ATP7A: variants seen among roughly 807,000 people sequenced by gnomAD.
ATP7A encodes the protein copper-transporting ATPase 1.
ATP7A carries 7 observed loss-of-function variants against 83.5 expected under a neutral mutation model. The ratio of observed to expected loss-of-function variants is 0.08; its 90% CI spans 0.05 to 0.16. ATP7A has a LOEUF of 0.16. Among genes scored for constraint, ATP7A ranks in the 10% least tolerant of loss-of-function variants. The probability of loss-of-function intolerance (pLI) is 1.00; values close to 1 mark genes in which losing one functional copy is unlikely to be tolerated. For missense variants in ATP7A, 940 were observed against 1,120.8 expected, an observed-to-expected ratio of 0.84 and a Z score of 2.30; for synonymous variants, 354 against 395.2, an observed-to-expected ratio of 0.90 and a Z score of 1.24.
intron 6 of ATP7A, among the ~76,000 whole-genome samples, chrX:78,008,642 A>G (rs1475144076): frequency 4.5e-5 from 5 of 111,126 alleles, no homozygotes; most frequent in African/African-American, 1.6e-4. Context: ...ATCCTCTTCT[A>G]TCTGGGACCA....
intron 1 of ATP7A, among the ~76,000 whole-genome samples, chrX:77,952,386 C>A (rs1217884483): frequency 1.8e-5 from 2 of 111,966 alleles, no homozygotes; most frequent in African/African-American, 6.5e-5. Flanking sequence ...TGGATTTTGG[C>A]CATTCTACTA....
intron 6 of ATP7A, among the ~76,000 whole-genome samples, chrX:78,007,812 A>G (rs1004057085): frequency 2.7e-5 from 3 of 112,006 alleles, no homozygotes; most frequent in Non-Finnish European, 5.6e-5. Flanking sequence ...GCATAGGTGC[A>G]TGTGCCTGTA....
chrX:77,931,636 CG>C (rs1360880318), intron 1 of ATP7A, among the ~76,000 whole-genome samples: 7 of 98,149 alleles, frequency 7.1e-5, no homozygotes, highest in African/African-American at 2.7e-4. Flanking sequence ...GCTGGCCGGG[CG>C]GGGGGCTGAC....
At chrX:78,036,742 G>A (rs1286408697) in intron 17 of ATP7A, among the ~76,000 whole-genome samples, 2 of 111,106 alleles carry the variant, frequency 1.8e-5, no homozygotes, top group African/African-American at 3.3e-5. Context: ...TTAGTCGGGC[G>A]TGGTAGCAGG....
At chrX:77,970,596 C>T (rs1239711365) in intron 1 of ATP7A, among the ~76,000 whole-genome samples, 1 of 111,474 alleles carries the variant, frequency 9.0e-6, no homozygotes, top group Non-Finnish European at 1.9e-5. Context: ...CACTTCAACC[C>T]GGGAGGCGGA....
chrX:78,036,354 G>A (rs2078013540), intron 17 of ATP7A, among the ~76,000 whole-genome samples: 1 of 110,936 alleles, frequency 9.0e-6, no homozygotes, highest in South Asian at 3.8e-4. Flanking sequence ...AAGCTATGTG[G>A]ATTTCTGTGG....
intron 15 of ATP7A, 21 bp from the exon 16 acceptor site, chrX:78,031,379 T>C: frequency 8.4e-7 from 1 of 1,193,708 alleles, no homozygotes. Context: ...ATCAAGTCAT[T>C]GTATCTTAAT....
At chrX:78,009,415 C>T (rs782703804) in intron 7 of ATP7A, 152 bp downstream of exon 7, 18 of 678,517 alleles carry the variant, frequency 2.7e-5, no homozygotes, top group South Asian at 1.7e-4. Flanking sequence ...TTAATGTAAA[C>T]GTGTCTGCAT....
chrX:77,948,870 A>G (rs1459303807), intron 1 of ATP7A, among the ~76,000 whole-genome samples: 1 of 111,132 alleles, frequency 9.0e-6, no homozygotes, highest in Non-Finnish European at 1.9e-5. Flanking sequence ...TTTATTCTCC[A>G]ATATTTATTT....
rs1367548911 is a variant in ATP7A at position 78,048,194 on chromosome X, C to G, written c.*1624C>G. On this transcript the variant is annotated 3_prime_UTR_variant, in exon 23 of 23. Coordinates refer to ENST00000341514, the MANE Select transcript of ATP7A (RefSeq NM_000052.7). ...AAATTCCCTTGTGAGTGCCTGGTAG[C>G]TAATACACTGGTCAGAGATCTGGTA... 3.6e-5 allele frequency: 4 copies of G among 112,150 alleles called. No homozygotes were observed. Among genetic ancestry groups the G allele is most frequent in the Non-Finnish European group, 7.5e-5 (4 of 53,256 alleles). 9.2% of individuals were successfully genotyped at this position (112,150 alleles called of 1,213,427 possible).
chrX:78,046,493 A>T lies in ATP7A; in HGVS notation c.4426A>T (p.Ser1476Cys), dbSNP rs1557239144. 2 of 1,211,203 alleles carry T rather than the reference A, an allele frequency of 1.7e-6. No individual in the cohort carries two copies. Among genetic ancestry groups the T allele is most frequent in the Admixed American group, 4.4e-5 (2 of 45,974 alleles). Reference protein sequence around the residue: ...SLLSDKRSLNSVVTSEPDKHS... With the variant: ...SLLSDKRSLNCVVTSEPDKHS... ...ACTGTCTGATAAACGCTCCCTAAACAGTGTTGTTACCAGTGAACCTGACAA... is the reference window on the plus strand; with the variant it reads ...ACTGTCTGATAAACGCTCCCTAAACTGTGTTGTTACCAGTGAACCTGACAA... The change falls in exon 23 of 23, where the codon AGT (serine) becomes TGT (cysteine). Residue 1476 changes from serine to cysteine, a missense_variant. Around this residue, in one of 3 missense-constraint regions of ATP7A, gnomAD observed 386 missense variants for 502.2 expected, o/e 0.77. Transcript: ENST00000341514.
intron 2 of ATP7A, among the ~76,000 whole-genome samples, chrX:77,986,437 A>T (rs189603606): frequency 8.9e-6 from 1 of 112,591 alleles, no homozygotes; most frequent in East Asian, 2.8e-4. Flanking sequence ...AATAACACCT[A>T]TATTTAACTG....
intron 21 of ATP7A, among the ~76,000 whole-genome samples, chrX:78,043,657 CT>C (rs781972709): frequency 1.6e-3 from 147 of 93,767 alleles, no homozygotes; most frequent in Middle Eastern, 5.5e-3. Flanking sequence ...TTCCCTCCAA[CT>C]TTTTTTTTTT....
chrX:77,946,807 A>G (rs1019922382), intron 1 of ATP7A, among the ~76,000 whole-genome samples: 2 of 110,326 alleles, frequency 1.8e-5, no homozygotes, highest in Non-Finnish European at 3.8e-5. Context: ...TTGTTGATAA[A>G]ATGTAAAATG....
intron 7 of ATP7A, 47 bp from the exon 8 acceptor site, chrX:78,011,129 T>C (rs781812785): frequency 1.9e-6 from 2 of 1,078,753 alleles, no homozygotes; most frequent in Non-Finnish European, 2.6e-6. Context: ...CTCTATACAA[T>C]ATTTATATGT....
At position 77,989,730 on chromosome X, in the gene ATP7A, G is replaced by A. The variant is rs782557016; in HGVS notation, c.1108G>A (p.Val370Ile). 1 of 1,209,632 alleles carries A rather than the reference G, an allele frequency of 8.3e-7. No individual in the cohort carries two copies. Among genetic ancestry groups the A allele is most frequent in the Non-Finnish European group, 1.1e-6 (1 of 895,037 alleles). Residue 370 changes from valine to isoleucine, a missense_variant, in exon 4 of 23, where the codon GTA becomes ATA. Physicochemically the swap from Val to Ile is conservative, Grantham distance 29. Around this residue, in one of 3 missense-constraint regions of ATP7A, gnomAD observed 350 missense variants for 432.8 expected, o/e 0.81. Transcript: ENST00000341514. ...SSSLQKIPLNVVSQPLTQETV... is the reference protein window; with the variant it reads ...SSSLQKIPLNIVSQPLTQETV... ...ATCTCTTCAGAAGATTCCTTTGAAT[G>A]TAGTTAGCCAGCCTCTGACACAAGA...
At position 78,042,585 on chromosome X, in the gene ATP7A, G is replaced by A; in HGVS notation, c.3802G>A (p.Val1268Ile). The change falls in exon 20 of 23, where the codon GTT becomes ATT. Residue 1268 changes from valine to isoleucine, a missense_variant and splice_region_variant. By Grantham distance (29) the Val-to-Ile change is conservative. This residue lies in a region of ATP7A where 386 missense variants were observed against 502.2 expected (regional missense o/e 0.77). Coordinates refer to ENST00000341514, the MANE Select transcript of ATP7A (RefSeq NM_000052.7). ...SKTARSIASQ[V>I]GITKVFAEVL... The stretch of plus-strand genomic sequence containing the variant: ...AATTGAGTTTATTTTCATCACATAG[G>A]TTGGCATTACTAAGGTGTTTGCTGA... The A allele has an allele frequency of 8.3e-7, 1 of 1,209,952 alleles. No homozygotes were observed. Among genetic ancestry groups the A allele is most frequent in the Non-Finnish European group, 1.1e-6 (1 of 893,859 alleles).
At chrX:78,022,480 C>T (rs1423255827) in intron 14 of ATP7A, among the ~76,000 whole-genome samples, 2 of 92,486 alleles carry the variant, frequency 2.2e-5, no homozygotes, top group Non-Finnish European at 4.3e-5. Flanking sequence ...TCAGGAGGTA[C>T]ATGTGCATGT....
intron 1 of ATP7A, among the ~76,000 whole-genome samples, chrX:77,960,031 A>C (rs1376318821): frequency 8.9e-6 from 1 of 112,351 alleles, no homozygotes; most frequent in Non-Finnish European, 1.9e-5. Context: ...ATGGAGGTAC[A>C]TTATATTCCT....
Sources: gnomAD v4.1 joint callset for allele counts (sites outside exome capture counted in the v4.1 genomes callset) on GRCh38, gnomAD v4.1.1 for gene constraint, gnomAD v4.1.1 regional missense constraint, MANE v1.5 for transcripts, NCBI Gene and HGNC (gene_info 2026-07-23, HGNC 2026-07-21) for gene names.